The following NXPE2 variants were observed in gnomAD, a reference collection of about 807,000 sequenced individuals.
The protein encoded by NXPE2 is NXPE family member 2.
NXPE2 carries 34 observed loss-of-function variants against 34.4 expected under a neutral mutation model. That is an observed-to-expected ratio of 0.99 (90% CI 0.75 to 1.31). NXPE2 has a LOEUF of 1.31. Among genes scored for constraint, NXPE2 ranks in the 40% most tolerant of loss-of-function variants. The pLI is 0.00. For missense variants in NXPE2, 649 were observed against 672.5 expected, an observed-to-expected ratio of 0.97 and a Z score of 0.39; for synonymous variants, 235 against 231.3, an observed-to-expected ratio of 1.02 and a Z score of -0.15.
the NXPE2 span, chr11:114,571,284 A>G: frequency 9.3e-6 from 15 of 1,613,890 alleles, no homozygotes; most frequent in Admixed American, 2.3e-4. Flanking sequence ...AATAACAATG[A>G]CAGTATTTTT....
At chr11:114,603,418 T>C in the NXPE2 span, among the ~76,000 whole-genome samples, 87 of 151,404 alleles carry the variant, frequency 5.7e-4, no homozygotes, top group African/African-American at 1.9e-3. Context: ...TGGTGGATGA[T>C]AAGTATTGCC....
the NXPE2 span, among the ~76,000 whole-genome samples, chr11:114,541,706 C>G: frequency 6.6e-6 from 1 of 152,096 alleles, no homozygotes; most frequent in Non-Finnish European, 1.5e-5. Context: ...TAAATTTAAT[C>G]ATTTCTGGTT....
chr11:114,699,161 T>C (rs1316881343), intron 3 of NXPE2, among the ~76,000 whole-genome samples: 3 of 152,306 alleles, frequency 2.0e-5, no homozygotes, highest in East Asian at 3.9e-4. Context: ...TCAGTCGAGC[T>C]TTACCCCTTA....
the NXPE2 span, among the ~76,000 whole-genome samples, chr11:114,555,394 T>C: frequency 1.3e-5 from 2 of 152,118 alleles, no homozygotes; most frequent in African/African-American, 4.8e-5. Flanking sequence ...GCCCGGCTAA[T>C]TTTTTATATT....
rs998661717 is a variant in NXPE2 at position 114,700,316 on chromosome 11, C to A, written c.866+1538C>A. On this transcript the variant is annotated intron_variant, in intron 3 of 5. Coordinates refer to ENST00000389586, the MANE Select transcript of NXPE2 (RefSeq NM_182495.6). ...TTTAACATGAAGGTCATAAGAGTAA[C>A]AGTTTCAAACGTGATGGTTGATGCT... Among the ~76,000 whole-genome samples the A allele has an allele frequency of 3.3e-5, 5 of 152,302 alleles. No individual in the cohort carries two copies. The South Asian group carries it at 1.0e-3, about 32-fold the overall frequency.
the NXPE2 span, among the ~76,000 whole-genome samples, chr11:114,469,197 C>T: frequency 3.5e-5 from 5 of 141,206 alleles, no homozygotes; most frequent in South Asian, 2.3e-4. Context: ...CTGCAAGCTC[C>T]GCCTCCTGGG....
chr11:114,473,304 AAG>A, the NXPE2 span, among the ~76,000 whole-genome samples: 1 of 152,194 alleles, frequency 6.6e-6, no homozygotes, highest in Non-Finnish European at 1.5e-5. Context: ...TGCAACATGA[AAG>A]AGTGTTTTTG....
the NXPE2 span, among the ~76,000 whole-genome samples, chr11:114,634,838 T>G: frequency 6.6e-6 from 1 of 151,936 alleles, no homozygotes; most frequent in Admixed American, 6.6e-5. Flanking sequence ...TGTTTTGGTA[T>G]CAGTGCTATG....
the NXPE2 span, among the ~76,000 whole-genome samples, chr11:114,729,345 A>G: frequency 2.0e-5 from 3 of 152,100 alleles, no homozygotes; most frequent in African/African-American, 4.8e-5. Context: ...TGTCTTTGCT[A>G]TTGTGAATAG....
the NXPE2 span, among the ~76,000 whole-genome samples, chr11:114,748,282 C>G: frequency 2.0e-5 from 3 of 152,082 alleles, no homozygotes; most frequent in Non-Finnish European, 2.9e-5. Context: ...GCTCCTTTGT[C>G]CCCTAGTACA....
the NXPE2 span, among the ~76,000 whole-genome samples, chr11:114,636,577 C>T: frequency 2.6e-5 from 4 of 151,646 alleles, no homozygotes; most frequent in African/African-American, 9.7e-5. Context: ...TTGGATCTTT[C>T]CTGCTTTCTC....
upstream of NXPE2, among the ~76,000 whole-genome samples, chr11:114,677,771 CATCT>C (rs1169773730): frequency 1.3e-5 from 2 of 151,968 alleles, no homozygotes. Context: ...AGATAGCTAT[CATCT>C]ATCTATATCT....
At chr11:114,739,315 C>T in the NXPE2 span, among the ~76,000 whole-genome samples, 2 of 52,020 alleles carry the variant, frequency 3.8e-5, no homozygotes, top group Admixed American at 2.4e-4. Flanking sequence ...TTCCTTCCTT[C>T]CTTCCTTCCT....
chr11:114,785,807 C>A, the NXPE2 span, among the ~76,000 whole-genome samples: 2 of 152,258 alleles, frequency 1.3e-5, no homozygotes, highest in South Asian at 4.1e-4. Context: ...AGGCCTAAAT[C>A]CTATTTTATA....
the NXPE2 span, among the ~76,000 whole-genome samples, chr11:114,588,726 C>G: frequency 6.6e-6 from 1 of 152,162 alleles, no homozygotes; most frequent in Admixed American, 6.5e-5. Flanking sequence ...CTCTTAACTA[C>G]TCTAAACTGT....
At chr11:114,620,624 T>A in the NXPE2 span, among the ~76,000 whole-genome samples, 1 of 151,676 alleles carries the variant, frequency 6.6e-6, no homozygotes, top group African/African-American at 2.4e-5. Context: ...GGATAATAAG[T>A]GTTGCCTCTA....
the NXPE2 span, among the ~76,000 whole-genome samples, chr11:114,617,530 G>A: frequency 4.0e-5 from 6 of 151,868 alleles, no homozygotes; most frequent in South Asian, 2.1e-4. Flanking sequence ...GTGTTGCCTC[G>A]TGGCTAACCA....
chr11:114,533,450 A>G, the NXPE2 span, among the ~76,000 whole-genome samples: 1 of 152,140 alleles, frequency 6.6e-6, no homozygotes, highest in Non-Finnish European at 1.5e-5. Context: ...AGGACAGTGG[A>G]TGCAGCACAC....
the NXPE2 span, among the ~76,000 whole-genome samples, chr11:114,603,562 G>C: frequency 2.0e-5 from 3 of 151,000 alleles, no homozygotes; most frequent in African/African-American, 4.9e-5. Flanking sequence ...TGGATGATAA[G>C]TATTGCCTCG....
Sources: allele counts gnomAD v4.1 joint callset (sites outside exome capture counted in the v4.1 genomes callset), GRCh38; gene constraint gnomAD v4.1.1; transcripts MANE v1.5; gene names NCBI Gene and HGNC (gene_info 2026-07-23, HGNC 2026-07-21).